HECA: variants seen among roughly 807,000 people sequenced by gnomAD.
The protein encoded by HECA is HECA ribonucleoprotein granule regulator, also known as headcase protein homolog.
HECA carries 13 observed loss-of-function variants against 37.6 expected under a neutral mutation model. That is an observed-to-expected ratio of 0.35 (90% CI 0.23 to 0.55). HECA has a LOEUF of 0.55. Among genes scored for constraint, HECA ranks in the 20% least tolerant of loss-of-function variants. The pLI, the probability that HECA is intolerant of heterozygous loss-of-function variation, is 0.90. For missense variants in HECA, 527 were observed against 701.9 expected (o/e 0.75, Z 2.82); for synonymous variants, 307 against 291.5 (o/e 1.05, Z -0.54).
At chr6:139,155,852 C>T (rs201255953) in intron 1 of HECA, 5 of 152,204 alleles carry the variant, frequency 3.3e-5, no homozygotes, top group East Asian at 1.9e-4. Flanking sequence ...TTCAACTACT[C>T]ACATATAAAT....
At chr6:139,154,003 A>C (rs1774684167) in intron 1 of HECA, among the ~76,000 whole-genome samples, 1 of 152,188 alleles carries the variant, frequency 6.6e-6, no homozygotes, top group Non-Finnish European at 1.5e-5. Context: ...AAATTAACCA[A>C]AGGCTTACAG....
At chr6:139,150,808 T>C (rs1277190360) in intron 1 of HECA, among the ~76,000 whole-genome samples, 1 of 152,170 alleles carries the variant, frequency 6.6e-6, no homozygotes, top group Non-Finnish European at 1.5e-5. Context: ...GGAATGAACA[T>C]TTAATTAAAA....
intron 2 of HECA, among the ~76,000 whole-genome samples, chr6:139,169,428 CTCT>C (rs1193473454): frequency 3.9e-5 from 6 of 152,044 alleles, no homozygotes; most frequent in African/African-American, 1.4e-4. Context: ...TAATAGCATT[CTCT>C]TCTTGTTTCA....
intron 1 of HECA, among the ~76,000 whole-genome samples, chr6:139,148,061 T>C (rs1244612493): frequency 1.3e-5 from 2 of 152,210 alleles, no homozygotes; most frequent in Non-Finnish European, 2.9e-5. Context: ...AGTGAATATC[T>C]TTTTATATTT....
chr6:139,170,173 T>A (rs1275068979), intron 2 of HECA: 2 of 152,218 alleles, frequency 1.3e-5, no homozygotes, highest in African/African-American at 4.8e-5. Context: ...GAAACATTTT[T>A]TATGAAGATG....
Position 139,166,605 on chromosome 6 carries a change from A to G in HECA, c.593A>G (p.Gln198Arg), listed in dbSNP as rs747887327. ...GACTGGTATCAGGTGAAGCGGATGC[A>G]GGACGAGAAAAAGAAGAAGTCTGGC... is the stretch of plus-strand genomic sequence containing the variant. ...DTDWYQVKRM[Q>R]DEKKKKSGSE... is the part of the protein sequence containing the mutation. Residue 198 changes from glutamine (Q) to arginine (R), a missense_variant, in exon 2 of 4, where the codon CAG becomes CGG. Coordinates refer to ENST00000367658, the MANE Select transcript of HECA (RefSeq NM_016217.3). The G allele has an allele frequency of 6.2e-7, 1 of 1,614,270 alleles. No individual in the cohort carries two copies. Among genetic ancestry groups the G allele is most frequent in the Admixed American group, 1.7e-5 (1 of 60,030 alleles).
intron 1 of HECA, 60 bp downstream of exon 1, chr6:139,135,727 C>T: frequency 6.3e-6 from 5 of 799,528 alleles, no homozygotes; most frequent in Non-Finnish European, 7.6e-6. Context: ...GGCGCGGTGG[C>T]GGGGCCCTGG....
chr6:139,171,888 A>G (rs1245229055), intron 2 of HECA, among the ~76,000 whole-genome samples: 3 of 151,404 alleles, frequency 2.0e-5, no homozygotes, highest in Non-Finnish European at 2.9e-5. Flanking sequence ...CTGGAGTGCA[A>G]TGGTGCTATC....
intron 1 of HECA, among the ~76,000 whole-genome samples, chr6:139,135,890 C>T (rs921024300): frequency 2.0e-5 from 3 of 151,784 alleles, no homozygotes; most frequent in Admixed American, 2.0e-4. Context: ...GCAGCCCGCG[C>T]CCCACACTCT....
chr6:139,169,240 G>A (rs187268940), intron 2 of HECA, among the ~76,000 whole-genome samples: 56 of 151,658 alleles, frequency 3.7e-4, no homozygotes, highest in Admixed American at 1.0e-3. Flanking sequence ...TATTTTTTTT[G>A]TTGGAGTGGA....
Position 139,177,159 on chromosome 6 carries a change from T to C in HECA, c.*54T>C, listed in dbSNP as rs1195196146. On this transcript the variant is annotated 3_prime_UTR_variant, in exon 4 of 4. Coordinates refer to ENST00000367658, the MANE Select transcript of HECA (RefSeq NM_016217.3). This position sits in a 1 kb window ranked among gnomAD's most constrained non-coding sequence, Gnocchi z 4.9. Reference sequence around the variant, plus strand: ...TTATTGATATTATTACTTTATTACATATCTTTTATAGGGAAACATTCTGTG... The same window carrying C: ...TTATTGATATTATTACTTTATTACACATCTTTTATAGGGAAACATTCTGTG... 1 of 723,964 alleles carries C rather than the reference T, an allele frequency of 1.4e-6. No individual in the cohort carries two copies. Among genetic ancestry groups the C allele is most frequent in the Admixed American group, 2.1e-5 (1 of 47,026 alleles). The allele number at this position is 723,964 out of a possible 1,614,324, so 44.8% of individuals were successfully genotyped here. A position where few individuals can be genotyped will look rare whatever the true frequency, so the allele number is the denominator to read the frequency against.
intron 1 of HECA, among the ~76,000 whole-genome samples, chr6:139,161,392 C>T (rs1371290006): frequency 4.6e-5 from 7 of 152,084 alleles, no homozygotes; most frequent in African/African-American, 1.7e-4. Flanking sequence ...GGGGGCTCTT[C>T]ATACAAGGAA....
At position 139,148,643 on chromosome 6, in the gene HECA, C is replaced by CT. The variant is rs1377675036; in HGVS notation, c.271+12978dup. 1.6e-4 allele frequency among the ~76,000 whole-genome samples: 24 copies of CT among 152,174 alleles called. 1 individual carries two copies. Among genetic ancestry groups the CT allele is most frequent in the Admixed American group, 2.0e-4 (3 of 15,280 alleles). On this transcript the variant is annotated intron_variant, in intron 1 of 3. Coordinates refer to ENST00000367658, the MANE Select transcript of HECA (RefSeq NM_016217.3). ...TAGCTGGGCATGGTGGCGCATGCCT[C>CT]TTATCCCAGCTACTCGTGAGGCTGA...
intron 1 of HECA, among the ~76,000 whole-genome samples, chr6:139,148,582 G>A (rs770924322): frequency 7.9e-5 from 12 of 152,104 alleles, no homozygotes; most frequent in Non-Finnish European, 1.5e-4. Flanking sequence ...TGGCCAACAT[G>A]GTGAAACCCC....
intron 2 of HECA, among the ~76,000 whole-genome samples, chr6:139,172,569 T>A (rs1027371681): frequency 2.3e-4 from 35 of 152,360 alleles, no homozygotes; most frequent in Admixed American, 1.6e-3. Context: ...ATGTGATTGT[T>A]CTCTGAAGAA....
intron 1 of HECA, among the ~76,000 whole-genome samples, chr6:139,136,720 C>T (rs1457102530): frequency 5.3e-5 from 8 of 151,926 alleles, no homozygotes; most frequent in African/African-American, 1.5e-4. Flanking sequence ...CTGCAACCAC[C>T]GTCTTCCGGT....
chr6:139,143,717 T>A (rs9484238), intron 1 of HECA, among the ~76,000 whole-genome samples: 3 of 151,684 alleles, frequency 2.0e-5, no homozygotes, highest in African/African-American at 7.3e-5. Context: ...AATAATTAGC[T>A]GGATGTGGTG....
intron 3 of HECA, among the ~76,000 whole-genome samples, chr6:139,174,953 G>A (rs1206200157): frequency 6.6e-6 from 1 of 152,010 alleles, no homozygotes; most frequent in Non-Finnish European, 1.5e-5. Context: ...ATTTCTAATA[G>A]AAAAAATGTT....
Position 139,177,461 on chromosome 6 carries a change from A to G in HECA, c.*356A>G, listed in dbSNP as rs145796081. The G allele has an allele frequency of 3.9e-3, 643 of 165,024 alleles. 3 individuals carry two copies. Among genetic ancestry groups the G allele is most frequent in the African/African-American group, 0.014 (602 of 41,952 alleles). 10.2% of individuals were successfully genotyped at this position (165,024 alleles called of 1,614,324 possible). A position where few individuals can be genotyped will look rare whatever the true frequency, so the allele number is the denominator to read the frequency against. ...GGAGTTGGAAGGAAACTCTTACTAA[A>G]ATGTTAACTTTCTAAAAACCTTCTT... On this transcript the variant is annotated 3_prime_UTR_variant, in exon 4 of 4. Transcript: ENST00000367658. This position sits in a 1 kb window ranked among gnomAD's most constrained non-coding sequence, Gnocchi z 4.9.
Sources: allele counts gnomAD v4.1 joint callset (sites outside exome capture counted in the v4.1 genomes callset), GRCh38; gene constraint gnomAD v4.1.1; non-coding constraint Gnocchi (gnomAD v3.1); transcripts MANE v1.5; gene names NCBI Gene and HGNC (gene_info 2026-07-23, HGNC 2026-07-21).